Variants in DIRAS2 observed in about 807,000 individuals in gnomAD.
DIRAS2 encodes the protein DIRAS family GTPase 2, also known as GTP-binding protein Di-Ras2.
DIRAS2 carries 5 observed loss-of-function variants against 13.9 expected under a neutral mutation model. The ratio of observed to expected loss-of-function variants is 0.36; its 90% CI spans 0.19 to 0.76. The LOEUF (loss-of-function observed/expected upper bound fraction) is 0.76, where lower values mean the gene tolerates loss of function less well. Ranked by LOEUF, DIRAS2 falls within the 30% of genes least tolerant of loss-of-function variation. DIRAS2 has a pLI of 0.53. For synonymous variants in DIRAS2, 111 were observed against 105.4 expected, an observed-to-expected ratio of 1.05 and a Z score of -0.33; for missense variants, 191 against 263.0, an observed-to-expected ratio of 0.73 and a Z score of 1.89.
In DIRAS2 at chr9:90,613,121, A is replaced by G. The variant is rs1280339898; in HGVS notation, c.*107T>C. Reference sequence around the variant, plus strand: ...ATAGGACGCATCTCGATTAAATGCAATGTTTAACACGTGGGCATTATACAT... The same window carrying G: ...ATAGGACGCATCTCGATTAAATGCAGTGTTTAACACGTGGGCATTATACAT... On this transcript the variant is annotated 3_prime_UTR_variant, in exon 2 of 2. Transcript: ENST00000375765. The surrounding 1 kb of genome is among the most constrained non-coding windows in gnomAD (Gnocchi z 5.6). The G allele has an allele frequency of 4.1e-6, 6 of 1,465,480 alleles. No homozygotes were observed. In the Admixed American group the frequency reaches 6.4e-5, roughly 16 times the overall value. 90.8% of individuals were successfully genotyped at this position (1,465,480 alleles called of 1,614,324 possible).
intron 1 of DIRAS2, among the ~76,000 whole-genome samples, chr9:90,616,909 C>T (rs1825175385): frequency 6.6e-6 from 1 of 152,084 alleles, no homozygotes; most frequent in East Asian, 1.9e-4. Context: ...ACATTACGCC[C>T]CACTTCGCAG....
chr9:90,624,860 G>A (rs1052253917), intron 1 of DIRAS2, among the ~76,000 whole-genome samples: 15 of 152,204 alleles, frequency 9.9e-5, no homozygotes, highest in Admixed American at 2.6e-4. Context: ...GACTACAGGC[G>A]GGCGCCACCA....
chr9:90,619,178 G>A (rs947884135), intron 1 of DIRAS2, among the ~76,000 whole-genome samples: 2 of 152,120 alleles, frequency 1.3e-5, no homozygotes, highest in Non-Finnish European at 2.9e-5. Flanking sequence ...GGTGGCTCAT[G>A]CCAGTAATCC....
At chr9:90,639,446 T>C (rs1453820372) in intron 1 of DIRAS2, among the ~76,000 whole-genome samples, 3 of 152,322 alleles carry the variant, frequency 2.0e-5, no homozygotes, top group Non-Finnish European at 4.4e-5. Context: ...CCACTAGCTG[T>C]TCATTAGTTT....
intron 1 of DIRAS2, among the ~76,000 whole-genome samples, chr9:90,631,885 C>A (rs936258132): frequency 6.6e-6 from 1 of 152,162 alleles, no homozygotes; most frequent in African/African-American, 2.4e-5. Flanking sequence ...CTATAGTTTT[C>A]TTTGCCTCAG....
chr9:90,615,254 T>G (rs1825158382), intron 1 of DIRAS2, among the ~76,000 whole-genome samples: 1 of 152,254 alleles, frequency 6.6e-6, no homozygotes, highest in South Asian at 2.1e-4. Flanking sequence ...AGCCCTGGAC[T>G]GAGGTATTCC....
intron 1 of DIRAS2, among the ~76,000 whole-genome samples, chr9:90,618,284 T>C (rs1392814695): frequency 6.6e-6 from 1 of 152,178 alleles, no homozygotes; most frequent in African/African-American, 2.4e-5. Flanking sequence ...CAGTCAATTG[T>C]TTTTTGACAA....
In DIRAS2 at chr9:90,610,416, A is replaced by G. The variant is rs1229146083; in HGVS notation, c.*2812T>C. Reference sequence around the variant, plus strand: ...GTCTTGCTGCATTGTATGCATGCCCATGGCTTGTCGCTGGATGGAGGAGGG... The same window carrying G: ...GTCTTGCTGCATTGTATGCATGCCCGTGGCTTGTCGCTGGATGGAGGAGGG... On this transcript the variant is annotated 3_prime_UTR_variant, in exon 2 of 2. Transcript: ENST00000375765. 3 of 398,918 alleles carry G rather than the reference A, an allele frequency of 7.5e-6. No homozygotes were observed. The highest frequency in any genetic ancestry group is 1.3e-5 in the Non-Finnish European group (3 of 226,072). 24.7% of individuals were successfully genotyped at this position (398,918 alleles called of 1,614,324 possible). A position where few individuals can be genotyped will look rare whatever the true frequency, so the allele number is the denominator to read the frequency against.
At position 90,612,572 on chromosome 9, in the gene DIRAS2, C is replaced by A. The variant is rs1587717687; in HGVS notation, c.*656G>T. 1 of 152,944 alleles carries A rather than the reference C, an allele frequency of 6.5e-6. No individual in the cohort carries two copies. Among genetic ancestry groups the A allele is most frequent in the East Asian group, 1.9e-4 (1 of 5,198 alleles). The allele number at this position is 152,944 out of a possible 1,614,324, so 9.5% of individuals were successfully genotyped here. A position where few individuals can be genotyped will look rare whatever the true frequency, so the allele number is the denominator to read the frequency against. On this transcript the variant is annotated 3_prime_UTR_variant, in exon 2 of 2. Transcript: ENST00000375765. ...CACACTGTTAGTGCACTTATCCCTG[C>A]ACATGAAGATAAATACTCTAATAGC...
At position 90,616,591 on chromosome 9, in the gene DIRAS2, T is replaced by C. The variant is rs74719060; in HGVS notation, c.-36-2728A>G. On this transcript the variant is annotated intron_variant, in intron 1 of 1. Coordinates refer to ENST00000375765, the MANE Select transcript of DIRAS2 (RefSeq NM_017594.5). Reference sequence around the variant, plus strand: ...TCAATGTGCATTTATGAGATAGGCCTGGGCCAATAACTCCATAGTGATCTT... The same window carrying C: ...TCAATGTGCATTTATGAGATAGGCCCGGGCCAATAACTCCATAGTGATCTT... Among the ~76,000 whole-genome samples the C allele has an allele frequency of 3.6e-3, 541 of 152,194 alleles. 1 individual carries two copies. The highest frequency in any genetic ancestry group is 5.2e-3 in the Non-Finnish European group (356 of 68,014).
intron 1 of DIRAS2, among the ~76,000 whole-genome samples, chr9:90,629,002 C>T (rs2118569108): frequency 1.3e-5 from 2 of 152,188 alleles, no homozygotes; most frequent in South Asian, 4.2e-4. Flanking sequence ...CTACGGGCGC[C>T]CGCCACCACG....
chr9:90,628,447 T>C (rs1231053229), intron 1 of DIRAS2, among the ~76,000 whole-genome samples: 1 of 152,172 alleles, frequency 6.6e-6, no homozygotes, highest in East Asian at 1.9e-4. Flanking sequence ...GGAGACTAGG[T>C]GGCCATTGTC....
rs1177444827 is a variant in DIRAS2 at position 90,610,752 on chromosome 9, T to C, written c.*2476A>G. 2.0e-5 allele frequency: 5 copies of C among 249,214 alleles called. No individual in the cohort carries two copies. Among genetic ancestry groups the C allele is most frequent in the Non-Finnish European group, 3.8e-5 (5 of 132,414 alleles). 15.4% of individuals were successfully genotyped at this position (249,214 alleles called of 1,614,324 possible). The stretch of plus-strand genomic sequence containing the variant: ...CAGCTCATAGAAAACGATCTCAAAA[T>C]GAAGACCCATAATTGAGGCTTCAAT... On this transcript the variant is annotated 3_prime_UTR_variant, in exon 2 of 2. Coordinates refer to ENST00000375765, the MANE Select transcript of DIRAS2 (RefSeq NM_017594.5).
chr9:90,640,022 G>A (rs1455799381), intron 1 of DIRAS2, among the ~76,000 whole-genome samples: 66 of 152,320 alleles, frequency 4.3e-4, no homozygotes, highest in Non-Finnish European at 8.8e-5. Context: ...TCCAAATTGA[G>A]ATGTCTTGTA....
chr9:90,632,963 C>T (rs1179882011), intron 1 of DIRAS2, among the ~76,000 whole-genome samples: 1 of 152,206 alleles, frequency 6.6e-6, no homozygotes, highest in East Asian at 1.9e-4. Flanking sequence ...ATCCATGGCT[C>T]TCTGTTGTAG....
intron 1 of DIRAS2, among the ~76,000 whole-genome samples, chr9:90,632,906 G>C (rs147574481): frequency 6.6e-6 from 1 of 152,354 alleles, no homozygotes; most frequent in African/African-American, 2.4e-5. Flanking sequence ...CACTAGTGCA[G>C]AACATGCGGC....
intron 1 of DIRAS2, among the ~76,000 whole-genome samples, chr9:90,625,115 T>A (rs1825256199): frequency 6.6e-6 from 1 of 152,202 alleles, no homozygotes; most frequent in African/African-American, 2.4e-5. Context: ...AGGGAAATAG[T>A]TACACAAAGA....
chr9:90,611,512 G>T lies in DIRAS2; in HGVS notation c.*1716C>A, dbSNP rs1191195714. 6.5e-6 allele frequency: 1 copy of T among 152,784 alleles called. No individual in the cohort carries two copies. Among genetic ancestry groups the T allele is most frequent in the East Asian group, 1.9e-4 (1 of 5,212 alleles). 9.5% of individuals were successfully genotyped at this position (152,784 alleles called of 1,614,324 possible). A position where few individuals can be genotyped will look rare whatever the true frequency, so the allele number is the denominator to read the frequency against. ...GGGAACTGAACCAGAAAAGGCTGAA[G>T]AAAACTAGGACATATTGAGAGAGCA... On this transcript the variant is annotated 3_prime_UTR_variant, in exon 2 of 2. Coordinates refer to ENST00000375765, the MANE Select transcript of DIRAS2 (RefSeq NM_017594.5).
At chr9:90,619,098 C>T (rs1825195648) in intron 1 of DIRAS2, among the ~76,000 whole-genome samples, 1 of 152,110 alleles carries the variant, frequency 6.6e-6, no homozygotes, top group Non-Finnish European at 1.5e-5. Flanking sequence ...AAGATCTCAC[C>T]ACTGCACTCC....
Sources: allele counts gnomAD v4.1 joint callset (sites outside exome capture counted in the v4.1 genomes callset), GRCh38; gene constraint gnomAD v4.1.1; non-coding constraint Gnocchi (gnomAD v3.1); transcripts MANE v1.5; gene names NCBI Gene and HGNC (gene_info 2026-07-23, HGNC 2026-07-21).